Variants in UTP11 observed in about 807,000 individuals in gnomAD.
The protein encoded by UTP11 is probable U3 small nucleolar RNA-associated protein 11.
UTP11 carries 29 observed loss-of-function variants against 39.0 expected under a neutral mutation model. That is an observed-to-expected ratio of 0.74 (90% CI 0.55 to 1.01). The LOEUF (loss-of-function observed/expected upper bound fraction) is 1.01, where lower values mean the gene tolerates loss of function less well. Among genes scored for constraint, UTP11 ranks in the 50% least tolerant of loss-of-function variants. UTP11 has a pLI of 0.00. For synonymous variants in UTP11, 111 were observed against 105.0 expected (o/e 1.06, Z -0.35); for missense variants, 281 against 306.0 (o/e 0.92, Z 0.61).
Position 38,023,432 on chromosome 1 carries a change from C to T in UTP11, c.679-113C>T, listed in dbSNP as rs576822404. On this transcript the variant is annotated intron_variant, in intron 7 of 7. Transcript: ENST00000373014. ...ATGCCTTGGGCAGTAGGGCTGTGTC[C>T]GTTCTCAACTTTGAGAAGGGCTGAA... 9.0e-5 allele frequency: 77 copies of T among 859,284 alleles called. No homozygotes were observed. The South Asian group carries it at 1.2e-3, about 13-fold the overall frequency. The allele number at this position is 859,284 out of a possible 1,614,324, so 53.2% of individuals were successfully genotyped here.
In UTP11 at chr1:38,019,132, T is replaced by C; in HGVS notation, c.416T>C (p.Phe139Ser). ...QGKQQNKHVF[F>S]FDTKKEVEQF... The stretch of plus-strand genomic sequence containing the variant: ...AAGCAACAGAACAAGCATGTGTTCT[T>C]TTTTGACACCAAAAAGGAAGGTATG... Residue 139 changes from phenylalanine to serine, a missense_variant, in exon 5 of 8, where the codon TTT becomes TCT. Transcript: ENST00000373014. The C allele has an allele frequency of 6.2e-7, 1 of 1,614,122 alleles. No individual in the cohort carries two copies. Among genetic ancestry groups the C allele is most frequent in the African/African-American group, 1.3e-5 (1 of 75,066 alleles).
Position 38,019,349 on chromosome 1 carries a change from A to T in UTP11, c.533A>T (p.Lys178Ile). ...RPRIETLQKE[K>I]VKGVTNQTGL... ...AGGATAGAGACCTTGCAGAAAGAAA[A>T]AGTGAAAGGAGTTACCAATCAGACT... is the stretch of plus-strand genomic sequence containing the variant. The change falls in exon 6 of 8, where the codon AAA (lysine) becomes ATA (isoleucine). Residue 178 changes from lysine to isoleucine, a missense_variant. Lys to Ile is a moderately radical substitution (Grantham distance 102, BLOSUM62 -3). Coordinates refer to ENST00000373014, the MANE Select transcript of UTP11 (RefSeq NM_016037.4). 6.2e-7 allele frequency: 1 copy of T among 1,614,048 alleles called. No individual in the cohort carries two copies. Among genetic ancestry groups the T allele is most frequent in the Non-Finnish European group, 8.5e-7 (1 of 1,179,964 alleles).
intron 6 of UTP11, among the ~76,000 whole-genome samples, chr1:38,020,944 C>T (rs576071693): frequency 1.1e-4 from 16 of 149,358 alleles, no homozygotes; most frequent in African/African-American, 2.5e-4. Flanking sequence ...TTTTTTGAGA[C>T]GGAGTCTCAC....
rs767612403 is a variant in UTP11 at position 38,012,802 on chromosome 1, C to T, written c.-1C>T. The stretch of plus-strand genomic sequence containing the variant: ...CTGATCTTTTCCAAGGCTGTACAGA[C>T]ATGGCGGCGGCTTTTCGGAAGGCGG... On this transcript the variant is annotated 5_prime_UTR_variant, in exon 1 of 8. Coordinates refer to ENST00000373014, the MANE Select transcript of UTP11 (RefSeq NM_016037.4). 8.7e-6 allele frequency: 14 copies of T among 1,614,218 alleles called. No homozygotes were observed. The highest frequency in any genetic ancestry group is 3.3e-4 in the Middle Eastern group (2 of 6,062).
intron 6 of UTP11, among the ~76,000 whole-genome samples, chr1:38,021,078 C>T (rs982758712): frequency 3.9e-5 from 6 of 152,120 alleles, no homozygotes; most frequent in East Asian, 1.9e-4. Flanking sequence ...CCCGCCACCA[C>T]GCCTGGCTAA....
intron 1 of UTP11, among the ~76,000 whole-genome samples, chr1:38,014,931 T>G (rs1377914271): frequency 6.6e-6 from 1 of 152,230 alleles, no homozygotes; most frequent in Non-Finnish European, 1.5e-5. Flanking sequence ...AGTGTGAGCC[T>G]GGCCTTAAAT....
At chr1:38,022,269 A>C (rs1482892567) in intron 6 of UTP11, among the ~76,000 whole-genome samples, 1 of 152,228 alleles carries the variant, frequency 6.6e-6, no homozygotes, top group Non-Finnish European at 1.5e-5. Flanking sequence ...ACTCTGCTCC[A>C]GGTGAGCTGT....
intron 6 of UTP11, among the ~76,000 whole-genome samples, chr1:38,019,830 A>C (rs764681541): frequency 1.3e-5 from 2 of 152,052 alleles, no homozygotes; most frequent in Non-Finnish European, 2.9e-5. Context: ...CCCTTAGAAA[A>C]GTGGATTTGT....
In UTP11 at chr1:38,012,811, G is replaced by C. The variant is rs1570496780; in HGVS notation, c.9G>C (p.Ala3=). ...TCCAAGGCTGTACAGACATGGCGGC[G>C]GCTTTTCGGAAGGCGGCTAAGTCCC... MA[A]AFRKAAKSRQ... Residue 3 remains alanine (A), a synonymous_variant, in exon 1 of 8, where the codon GCG becomes GCC. Transcript: ENST00000373014. The C allele has an allele frequency of 1.2e-6, 2 of 1,614,224 alleles. No individual in the cohort carries two copies. The highest frequency in any genetic ancestry group is 8.5e-7 in the Non-Finnish European group (1 of 1,180,034).
chr1:38,020,069 C>T (rs1258733532), intron 6 of UTP11, among the ~76,000 whole-genome samples: 2 of 152,052 alleles, frequency 1.3e-5, no homozygotes, highest in African/African-American at 4.8e-5. Context: ...AATATTGAAC[C>T]TTTAGCAGTG....
intron 6 of UTP11, among the ~76,000 whole-genome samples, chr1:38,021,801 C>G (rs981959419): frequency 1.3e-5 from 2 of 151,280 alleles, no homozygotes; most frequent in Non-Finnish European, 2.9e-5. Context: ...GCTGAGGCAG[C>G]AGAATTGCTT....
In UTP11 at chr1:38,012,746, G is replaced by T. The variant is rs988643641; in HGVS notation, c.-57G>T. 6 of 1,609,854 alleles carry T rather than the reference G, an allele frequency of 3.7e-6. No homozygotes were observed. The Admixed American group carries it at 6.7e-5, about 18-fold the overall frequency. ...TCCGGTAGGAATCAGTGGACTTGGC[G>T]GCAGAGGCAGTGCGGATCCGGCGTT... is the stretch of plus-strand genomic sequence containing the variant. On this transcript the variant is annotated 5_prime_UTR_variant, in exon 1 of 8. Coordinates refer to ENST00000373014, the MANE Select transcript of UTP11 (RefSeq NM_016037.4).
In UTP11 at chr1:38,019,448, T is replaced by G. The variant is rs992327673; in HGVS notation, c.567+65T>G. ...AATCTAGGTGTTTTTTTTTTGTTTT[T>G]TTTTTTTTGCTACTGCATTTAAAAT... On this transcript the variant is annotated intron_variant, in intron 6 of 7. Coordinates refer to ENST00000373014, the MANE Select transcript of UTP11 (RefSeq NM_016037.4). 7.6e-5 allele frequency: 106 copies of G among 1,395,102 alleles called. 1 individual carries two copies. The highest frequency in any genetic ancestry group is 4.7e-4 in the Admixed American group (18 of 37,996). 86.4% of individuals were successfully genotyped at this position (1,395,102 alleles called of 1,614,324 possible).
At position 38,012,883 on chromosome 1, in the gene UTP11, C is replaced by T. The variant is rs551261430; in HGVS notation, c.63+18C>T. ...GAAGCCAGGTAGGACCATACAGGCC[C>T]CACAAGTGCTGGCCTTTGTCGCCAT... On this transcript the variant is annotated intron_variant, in intron 1 of 7. Coordinates refer to ENST00000373014, the MANE Select transcript of UTP11 (RefSeq NM_016037.4). 6.2e-7 allele frequency: 1 copy of T among 1,614,160 alleles called. No homozygotes were observed. The highest frequency in any genetic ancestry group is 2.2e-5 in the East Asian group (1 of 44,892).
intron 4 of UTP11, 97 bp from the exon 5 acceptor site, chr1:38,018,962 A>T (rs985635554): frequency 2.7e-4 from 278 of 1,030,002 alleles, no homozygotes; most frequent in Non-Finnish European, 3.6e-4. Flanking sequence ...CTGGCTGGCA[A>T]TAATGATGTG....
Position 38,016,510 on chromosome 1 carries a change from A to ACAC in UTP11, c.125+90_125+91insCAC, listed in dbSNP as rs1646707975. The ACAC allele has an allele frequency of 4.4e-6, 6 of 1,362,786 alleles. No homozygotes were observed. In the Admixed American group the frequency reaches 1.0e-4, roughly 24 times the overall value. The allele number at this position is 1,362,786 out of a possible 1,614,324, so 84.4% of individuals were successfully genotyped here. ...GAATTGCCTGAGTGTCCAACAGGGGATAATTTCCTGCCATTGATAAAATGG... is the reference window on the plus strand; with the variant it reads ...GAATTGCCTGAGTGTCCAACAGGGGACACTAATTTCCTGCCATTGATAAAATGG... On this transcript the variant is annotated intron_variant, in intron 2 of 7. Coordinates refer to ENST00000373014, the MANE Select transcript of UTP11 (RefSeq NM_016037.4).
chr1:38,019,009 G>A, intron 4 of UTP11, 50 bp from the exon 5 acceptor site: 1 of 948,594 alleles, frequency 1.1e-6, no homozygotes, highest in South Asian at 2.7e-5. Flanking sequence ...TTTTTTTTTT[G>A]GTACCCTAGA....
At chr1:38,018,224 T>C (rs1646717044) in intron 3 of UTP11, among the ~76,000 whole-genome samples, 1 of 152,034 alleles carries the variant, frequency 6.6e-6, no homozygotes, top group Non-Finnish European at 1.5e-5. Context: ...CACACACTAC[T>C]GTGCCCGGCT....
At chr1:38,018,625 CTT>C (rs1646719331) in intron 4 of UTP11, 48 bp downstream of exon 4, 6 of 1,370,972 alleles carry the variant, frequency 4.4e-6, no homozygotes, top group South Asian at 1.2e-5. Flanking sequence ...AGAAGGGAAA[CTT>C]AAATTCATCA....
Sources: allele counts gnomAD v4.1 joint callset (sites outside exome capture counted in the v4.1 genomes callset), GRCh38; gene constraint gnomAD v4.1.1; transcripts MANE v1.5; gene names NCBI Gene and HGNC (gene_info 2026-07-23, HGNC 2026-07-21).